Variants in COL16A1 observed in about 807,000 individuals in gnomAD.
COL16A1 encodes the protein collagen type XVI alpha 1 chain.
COL16A1 carries 189 observed loss-of-function variants against 266.3 expected under a neutral mutation model. The observed-to-expected ratio is 0.71, with a 90% CI of 0.63 to 0.80. COL16A1 has a LOEUF of 0.80. COL16A1 is among the 30% of genes least tolerant of loss of function. The pLI is 0.00. For missense variants in COL16A1, 1,928 were observed against 2,122.4 expected (o/e 0.91, Z 1.80); for synonymous variants, 740 against 782.3 (o/e 0.95, Z 0.90).
chr1:31,694,114 G>A (rs146445425), intron 12 of COL16A1, 30 bp downstream of exon 12: 26 of 1,595,326 alleles, frequency 1.6e-5, no homozygotes, highest in East Asian at 6.8e-5. Flanking sequence ...TAAAGAGGAC[G>A]GGAATGTCCC....
Position 31,698,697 on chromosome 1 carries a change from A to G in COL16A1, c.267-91T>C, listed in dbSNP as rs1644604014. On this transcript the variant is annotated intron_variant, in intron 4 of 70. Coordinates refer to ENST00000373672, the MANE Select transcript of COL16A1 (RefSeq NM_001856.4). The surrounding 1 kb of genome is among the most constrained non-coding windows in gnomAD (Gnocchi z 4.1). ...CCCTCAGGACTGCTGAGCCTACCCA[A>G]GACATCCACAGGCACACATCTTCCA... 1 of 1,546,818 alleles carries G rather than the reference A, an allele frequency of 6.5e-7. No individual in the cohort carries two copies. The highest frequency in any genetic ancestry group is 8.7e-7 in the Non-Finnish European group (1 of 1,150,410).
chr1:31,674,917 C>T (rs1643049111), intron 44 of COL16A1, 90 bp downstream of exon 44: 2 of 1,553,160 alleles, frequency 1.3e-6, no homozygotes, highest in East Asian at 2.3e-5. Context: ...GCTCTCTCTG[C>T]GAGGTGCCAC....
In COL16A1 at chr1:31,698,338, A is replaced by C; in HGVS notation, c.390+145T>G. 6.6e-7 allele frequency: 1 copy of C among 1,520,980 alleles called. No homozygotes were observed. Among genetic ancestry groups the C allele is most frequent in the Non-Finnish European group, 8.9e-7 (1 of 1,128,584 alleles). 94.2% of individuals were successfully genotyped at this position (1,520,980 alleles called of 1,614,324 possible). A position where few individuals can be genotyped will look rare whatever the true frequency, so the allele number is the denominator to read the frequency against. ...GCTATACATCCTGAAAGAATGAGGTAGGTACTGGTGGGCTGGGGACAGGCT... is the reference window on the plus strand; with the variant it reads ...GCTATACATCCTGAAAGAATGAGGTCGGTACTGGTGGGCTGGGGACAGGCT... On this transcript the variant is annotated intron_variant, in intron 5 of 70. Transcript: ENST00000373672. The surrounding 1 kb of genome is among the most constrained non-coding windows in gnomAD (Gnocchi z 4.1).
intron 68 of COL16A1, 63 bp downstream of exon 68, chr1:31,654,729 G>A (rs777662007): frequency 1.8e-5 from 29 of 1,612,684 alleles, no homozygotes; most frequent in Non-Finnish European, 2.4e-5. Context: ...GGCCAAGGCA[G>A]GGCAGAGAAG....
rs371115005 is a variant in COL16A1 at position 31,691,151 on chromosome 1, G to A, written c.1437+37C>T. ...CTTCTCTCTCCTCCTGTCAAGCATG[G>A]AGCTCCCCACGTGACCACACTCCCA... is the stretch of plus-strand genomic sequence containing the variant. On this transcript the variant is annotated intron_variant, in intron 20 of 70. Transcript: ENST00000373672. 20 of 1,605,252 alleles carry A rather than the reference G, an allele frequency of 1.2e-5. No homozygotes were observed. The African/African-American group carries it at 2.3e-4, about 18-fold the overall frequency.
chr1:31,689,907 G>T (rs1644179306), intron 22 of COL16A1, 56 bp from the exon 23 acceptor site: 2 of 1,498,982 alleles, frequency 1.3e-6, no homozygotes, highest in South Asian at 1.1e-5. Flanking sequence ...CCCAGGGAAG[G>T]CAAGGGGCCT....
rs79118326 is a variant in COL16A1, at chr1:31,680,919, G to A, written c.2596C>T (p.Pro866Ser). The A allele has an allele frequency of 2.6e-4, 412 of 1,614,166 alleles. No individual in the cohort carries two copies. In the African/African-American group the frequency reaches 4.7e-3, roughly 18 times the overall value. The change falls in exon 39 of 71, where the codon CCA becomes TCA. Residue 866 changes from proline (P) to serine (S), a missense_variant. Pro to Ser is a moderately conservative substitution (Grantham distance 74, BLOSUM62 -1). Transcript: ENST00000373672. ...GLRGTPGEKG[P>S]RGEKGEPGEC... The stretch of plus-strand genomic sequence containing the variant: ...TTGGAACTCACCTTCTCTCCTCGTG[G>A]TCCTTTTTCACCCTGCAGGGAAGAA...
Position 31,699,834 on chromosome 1 carries a change from G to A in COL16A1, c.245C>T (p.Ala82Val). The stretch of plus-strand genomic sequence containing the variant: ...TTACCGCGTGGGCTGGGTCACGGGG[G>A]CCGCCCCCAGGCGCAGGATGAGAGG... The part of the protein sequence containing the change: ...KGPLILRLGA[A>V]PVTQPTRRVF... Residue 82 changes from alanine (A) to valine (V), a missense_variant, in exon 4 of 71, where the codon GCC becomes GTC. Ala to Val is a moderately conservative substitution (Grantham distance 64). Coordinates refer to ENST00000373672, the MANE Select transcript of COL16A1 (RefSeq NM_001856.4). 1 of 1,612,154 alleles carries A rather than the reference G, an allele frequency of 6.2e-7. No individual in the cohort carries two copies. Among genetic ancestry groups the A allele is most frequent in the Non-Finnish European group, 8.5e-7 (1 of 1,178,318 alleles).
chr1:31,674,255 C>A (rs1642986877), intron 44 of COL16A1, among the ~76,000 whole-genome samples: 1 of 152,180 alleles, frequency 6.6e-6, no homozygotes, highest in South Asian at 2.1e-4. Context: ...GAGGCCAACA[C>A]ATGGGAAAGA....
intron 66 of COL16A1, chr1:31,655,767 A>G: frequency 1.9e-6 from 1 of 534,224 alleles, no homozygotes; most frequent in South Asian, 2.5e-5. Context: ...ATGCAAGGCC[A>G]TTCATTATGT....
rs1228808241 is a variant in COL16A1 at position 31,664,285 on chromosome 1, G to C, written c.3555+887C>G. Reference sequence around the variant, plus strand: ...AGGTGCCCGGGTCCTCCTGGAGCTGGGAAGGAAGTCTCAGCTCTGCTGCTA... The same window carrying C: ...AGGTGCCCGGGTCCTCCTGGAGCTGCGAAGGAAGTCTCAGCTCTGCTGCTA... On this transcript the variant is annotated intron_variant, in intron 56 of 70. Transcript: ENST00000373672. The surrounding 1 kb of genome is among the most constrained non-coding windows in gnomAD (Gnocchi z 5.5). Among the ~76,000 whole-genome samples the C allele has an allele frequency of 1.3e-5, 2 of 152,224 alleles. No individual in the cohort carries two copies. Among genetic ancestry groups the C allele is most frequent in the East Asian group, 3.8e-4 (2 of 5,198 alleles).
intron 58 of COL16A1, 68 bp downstream of exon 58, chr1:31,662,266 C>T (rs1429841554): frequency 6.4e-7 from 1 of 1,573,686 alleles, no homozygotes; most frequent in Non-Finnish European, 8.6e-7. Flanking sequence ...ATCAGGGTTC[C>T]CTTGACTTTG....
chr1:31,701,856 AC>A (rs1183113090), intron 2 of COL16A1, among the ~76,000 whole-genome samples: 1 of 152,058 alleles, frequency 6.6e-6, no homozygotes, highest in East Asian at 1.9e-4. Flanking sequence ...AGGAATACAT[AC>A]GAATGCACAA....
In COL16A1 at chr1:31,697,772, T is replaced by G. The variant is rs1292646746; in HGVS notation, c.657+134A>C. Reference sequence around the variant, plus strand: ...GAATGCCAGGTGAATATGTTTAGGCTGCATTTGGAGGGCAACAGGAAAGCA... The same window carrying G: ...GAATGCCAGGTGAATATGTTTAGGCGGCATTTGGAGGGCAACAGGAAAGCA... On this transcript the variant is annotated intron_variant, in intron 6 of 70. Coordinates refer to ENST00000373672, the MANE Select transcript of COL16A1 (RefSeq NM_001856.4). The surrounding 1 kb of genome is among the most constrained non-coding windows in gnomAD (Gnocchi z 4.2). 3 of 1,083,034 alleles carry G rather than the reference T, an allele frequency of 2.8e-6. No individual in the cohort carries two copies. Among genetic ancestry groups the G allele is most frequent in the Non-Finnish European group, 4.0e-6 (3 of 753,666 alleles). The allele number at this position is 1,083,034 out of a possible 1,614,324, so 67.1% of individuals were successfully genotyped here. A position where few individuals can be genotyped will look rare whatever the true frequency, so the allele number is the denominator to read the frequency against.
In COL16A1 at chr1:31,654,793, A is replaced by T. The variant is rs1472671068; in HGVS notation, c.4356T>A (p.Asp1452Glu). Residue 1452 changes from aspartate to glutamate, a missense_variant and splice_region_variant, in exon 68 of 71, where the codon GAT becomes GAA. Coordinates refer to ENST00000373672, the MANE Select transcript of COL16A1 (RefSeq NM_001856.4). Reference protein sequence around the residue: ...FIRQEIIKMFDERMAYYTSRM... With the variant: ...FIRQEIIKMFEERMAYYTSRM... ...GCCACCCAGCTGGCTGCCAGTTACC[A>T]TCAAACATTTTAATGATCTCTTGTC... 1 of 1,613,974 alleles carries T rather than the reference A, an allele frequency of 6.2e-7. No individual in the cohort carries two copies. Among genetic ancestry groups the T allele is most frequent in the African/African-American group, 1.3e-5 (1 of 74,888 alleles).
intron 2 of COL16A1, chr1:31,701,610 CT>C: frequency 1.0e-6 from 1 of 978,002 alleles, no homozygotes; most frequent in Non-Finnish European, 1.2e-6. Flanking sequence ...CGGGGTGGGC[CT>C]TTTATTAGAG....
At position 31,702,178 on chromosome 1, in the gene COL16A1, C is replaced by G; in HGVS notation, c.16G>C (p.Ala6Pro). The change falls in exon 2 of 71, where the codon GCT becomes CCT. Residue 6 changes from alanine to proline, a missense_variant. Ala to Pro is a conservative substitution (Grantham distance 27, BLOSUM62 -1). This residue lies in a region of COL16A1 where 1,552 missense variants were observed against 1,637.2 expected (regional missense o/e 0.95). Transcript: ENST00000373672. MWVSWAPGLWLLGLWA... is the reference protein window; with the variant it reads MWVSWPPGLWLLGLWA... ...AGACCGAGCAGCCACAGGCCAGGAG[C>G]CCAGGATACCCACATCCCGGTCCAA... is the stretch of plus-strand genomic sequence containing the variant. 6.2e-7 allele frequency: 1 copy of G among 1,614,152 alleles called. No homozygotes were observed. The highest frequency in any genetic ancestry group is 2.2e-5 in the East Asian group (1 of 44,888).
intron 62 of COL16A1, chr1:31,659,954 C>A (rs200437115): frequency 2.1e-5 from 2 of 97,060 alleles, no homozygotes; most frequent in Admixed American, 1.2e-4. Flanking sequence ...CCTGAGAGTT[C>A]TTTTTTTTTT....
chr1:31,685,542 T>C lies in COL16A1; in HGVS notation c.2016+97A>G. 1.5e-6 allele frequency: 1 copy of C among 676,888 alleles called. No individual in the cohort carries two copies. Among genetic ancestry groups the C allele is most frequent in the Non-Finnish European group, 2.4e-6 (1 of 420,618 alleles). The allele number at this position is 676,888 out of a possible 1,614,324, so 41.9% of individuals were successfully genotyped here. The stretch of plus-strand genomic sequence containing the variant: ...CCACACCCTCCCCACTACCCCCAAC[T>C]GCCCAGGGAGTCAAGAGACCCAGGC... On this transcript the variant is annotated intron_variant, in intron 29 of 70. Coordinates refer to ENST00000373672, the MANE Select transcript of COL16A1 (RefSeq NM_001856.4). The surrounding 1 kb of genome is among the most constrained non-coding windows in gnomAD (Gnocchi z 4.0).
Sources: gnomAD v4.1 joint callset for allele counts (sites outside exome capture counted in the v4.1 genomes callset) on GRCh38, gnomAD v4.1.1 for gene constraint, gnomAD v4.1.1 regional missense constraint, Gnocchi (gnomAD v3.1) non-coding constraint, MANE v1.5 for transcripts, NCBI Gene and HGNC (gene_info 2026-07-23, HGNC 2026-07-21) for gene names.